HSPA12A: variants seen among roughly 807,000 people sequenced by gnomAD.
HSPA12A encodes the protein heat shock 70 kDa protein 12A.
HSPA12A carries 28 observed loss-of-function variants against 69.2 expected under a neutral mutation model. The ratio of observed to expected loss-of-function variants is 0.40; its 90% CI spans 0.30 to 0.55. The LOEUF is 0.55. HSPA12A is among the 20% of genes least tolerant of loss of function. The pLI is 0.38. For synonymous variants in HSPA12A, 345 were observed against 370.5 expected (o/e 0.93, Z 0.79); for missense variants, 686 against 900.7 (o/e 0.76, Z 3.05).
At chr10:116,763,424 C>T (rs1844013464) in intron 2 of HSPA12A, among the ~76,000 whole-genome samples, 2 of 152,324 alleles carry the variant, frequency 1.3e-5, no homozygotes, top group South Asian at 4.1e-4. Context: ...AAAACCCCTA[C>T]CCCCAGATAA....
intron 1 of HSPA12A, among the ~76,000 whole-genome samples, chr10:116,716,713 G>A (rs1850617438): frequency 1.3e-5 from 2 of 152,174 alleles, no homozygotes; most frequent in South Asian, 4.1e-4. Context: ...AGCTCCTGAG[G>A]AGGATGAAGA....
intron 2 of HSPA12A, among the ~76,000 whole-genome samples, chr10:116,748,430 C>T (rs1427069201): frequency 2.6e-5 from 4 of 152,230 alleles, no homozygotes; most frequent in African/African-American, 7.2e-5. Flanking sequence ...TAGGAATGCA[C>T]ACTAAGTCAC....
In HSPA12A at chr10:116,674,565, T is replaced by A; in HGVS notation, c.*216A>T. On this transcript the variant is annotated 3_prime_UTR_variant, in exon 12 of 12. Coordinates refer to ENST00000369209, the MANE Select transcript of HSPA12A (RefSeq NM_025015.3). ...AGCTGCTCCTCCAGGATCCTTTAAT[T>A]TTCTATGCCTAAACCTTAATCTTAA... 1.7e-6 allele frequency: 1 copy of A among 590,718 alleles called. No individual in the cohort carries two copies. The highest frequency in any genetic ancestry group is 3.0e-6 in the Non-Finnish European group (1 of 337,630). 36.6% of individuals were successfully genotyped at this position (590,718 alleles called of 1,614,324 possible).
intron 6 of HSPA12A, among the ~76,000 whole-genome samples, chr10:116,691,504 A>G (rs7902159): frequency 0.52 from 78,758 of 151,410 alleles, 20,811 homozygotes; most frequent in Middle Eastern, 0.65. Flanking sequence ...GTGACTTGCC[A>G]CACAACCCAG....
rs140338064 is a variant in HSPA12A, at chr10:116,784,595, C to T, written c.91+50340G>A. Among the ~76,000 whole-genome samples the T allele has an allele frequency of 1.1e-4, 17 of 152,302 alleles. No individual in the cohort carries two copies. In the East Asian group the frequency reaches 3.3e-3, roughly 29 times the overall value. On this transcript the variant is annotated intron_variant, in intron 2 of 12. Transcript: ENST00000635765. ...GGATGAGTGCAGGAATGAGTGAATGCCTTTAAGATTGGCTTATGATTGACA... is the reference window on the plus strand; with the variant it reads ...GGATGAGTGCAGGAATGAGTGAATGTCTTTAAGATTGGCTTATGATTGACA...
At chr10:116,800,242 A>G (rs2133166504) in intron 2 of HSPA12A, among the ~76,000 whole-genome samples, 1 of 152,314 alleles carries the variant, frequency 6.6e-6, no homozygotes, top group East Asian at 1.9e-4. Context: ...AGTGAGAAAT[A>G]AAAGCCTTCT....
chr10:116,742,175 G>A (rs1554887274), intron 1 of HSPA12A, among the ~76,000 whole-genome samples: 1 of 151,942 alleles, frequency 6.6e-6, no homozygotes, highest in Non-Finnish European at 1.5e-5. Context: ...CCTCAGCGGG[G>A]GCTGCAGTCC....
At chr10:116,850,046 C>G (rs1369502175), upstream of HSPA12A, 1 of 521,018 alleles carries the variant, frequency 1.9e-6, no homozygotes, top group Non-Finnish European at 3.5e-6. Context: ...CGTTTGTGGG[C>G]CGGCCCACCG....
chr10:116,803,400 C>G (rs940750771), intron 2 of HSPA12A, among the ~76,000 whole-genome samples: 2 of 152,196 alleles, frequency 1.3e-5, no homozygotes, highest in Non-Finnish European at 2.9e-5. Flanking sequence ...AGAGGAAGAT[C>G]CCATGGGCAA....
At chr10:116,733,126 G>A (rs1554886038) in intron 1 of HSPA12A, among the ~76,000 whole-genome samples, 4 of 152,196 alleles carry the variant, frequency 2.6e-5, no homozygotes. Context: ...CTGACTACAA[G>A]CAGTTGTTTT....
At chr10:116,713,199 G>T (rs993250596) in intron 1 of HSPA12A, among the ~76,000 whole-genome samples, 21 of 151,228 alleles carry the variant, frequency 1.4e-4, no homozygotes, top group African/African-American at 5.1e-4. Flanking sequence ...TTTTCAGAAG[G>T]AAAATAAAAA....
At chr10:116,733,703 A>G (rs73385595) in intron 1 of HSPA12A, among the ~76,000 whole-genome samples, 2,796 of 152,248 alleles carry the variant, frequency 0.018, 99 homozygotes, top group African/African-American at 0.065. Flanking sequence ...CAAAATTTCA[A>G]ATGACTGAAT....
intron 2 of HSPA12A, among the ~76,000 whole-genome samples, chr10:116,811,245 A>G (rs970378452): frequency 6.6e-6 from 1 of 152,192 alleles, no homozygotes; most frequent in African/African-American, 2.4e-5. Context: ...GAGCTTGGTA[A>G]GCAAGGAGAA....
At position 116,675,078 on chromosome 10, in the gene HSPA12A, A is replaced by G. The variant is rs1849189636; in HGVS notation, c.1731T>C (p.Ser577=). Residue 577 remains serine (S), a synonymous_variant, in exon 12 of 12, where the codon TCT becomes TCC. Coordinates refer to ENST00000369209, the MANE Select transcript of HSPA12A (RefSeq NM_025015.3). This position sits in a 1 kb window ranked among gnomAD's most constrained non-coding sequence, Gnocchi z 5.2. ...GCTTGACCAGCTCACCCAGAGCCAC[A>G]GACTGGTCGGCAGAGATGAACTTGT... is the stretch of plus-strand genomic sequence containing the variant. ...VFDKFISADQ[S]VALGELVKRS... The G allele has an allele frequency of 6.2e-7, 1 of 1,613,964 alleles. No individual in the cohort carries two copies. Among genetic ancestry groups the G allele is most frequent in the South Asian group, 1.1e-5 (1 of 91,074 alleles).
chr10:116,707,150 C>G lies in HSPA12A; in HGVS notation c.126+50G>C, dbSNP rs538664243. The G allele has an allele frequency of 2.1e-4, 89 of 427,168 alleles. No individual in the cohort carries two copies. In the African/African-American group the frequency reaches 7.1e-3, roughly 34 times the overall value. The allele number at this position is 427,168 out of a possible 1,614,324, so 26.5% of individuals were successfully genotyped here. Reference sequence around the variant, plus strand: ...GCACGTGTGCTCATGCGCACCCATGCGCGCACACACACACACACACACACA... The same window carrying G: ...GCACGTGTGCTCATGCGCACCCATGGGCGCACACACACACACACACACACA... On this transcript the variant is annotated intron_variant, in intron 2 of 11. Transcript: ENST00000369209.
chr10:116,825,728 A>G (rs1794970662), intron 2 of HSPA12A, among the ~76,000 whole-genome samples: 2 of 152,158 alleles, frequency 1.3e-5, no homozygotes, highest in Admixed American at 1.3e-4. Flanking sequence ...GGCTGCTGCT[A>G]ATGGGTATAA....
chr10:116,803,311 G>A (rs1160856329), intron 2 of HSPA12A, among the ~76,000 whole-genome samples: 2 of 147,436 alleles, frequency 1.4e-5, no homozygotes, highest in African/African-American at 5.4e-5. Context: ...ACCCAAACAC[G>A]CTGGCATGGA....
At chr10:116,776,336 A>G (rs782436645) in intron 2 of HSPA12A, among the ~76,000 whole-genome samples, 2 of 152,130 alleles carry the variant, frequency 1.3e-5, no homozygotes, top group South Asian at 4.2e-4. Context: ...CTCACCCCCA[A>G]CAAACCTCTC....
At chr10:116,781,903 G>A (rs1227774923) in intron 2 of HSPA12A, among the ~76,000 whole-genome samples, 1 of 152,124 alleles carries the variant, frequency 6.6e-6, no homozygotes, top group African/African-American at 2.4e-5. Flanking sequence ...ATTCTACCAG[G>A]TTAAAATTAA....
Sources: allele counts gnomAD v4.1 joint callset (sites outside exome capture counted in the v4.1 genomes callset), GRCh38; gene constraint gnomAD v4.1.1; non-coding constraint Gnocchi (gnomAD v3.1); transcripts MANE v1.5; gene names NCBI Gene and HGNC (gene_info 2026-07-23, HGNC 2026-07-21).